RAB43: variants seen among roughly 807,000 people sequenced by gnomAD.
The protein encoded by RAB43 is ras-related protein Rab-43.
A neutral mutation model predicts 18.8 loss-of-function variants in RAB43; 6 were observed. That is an observed-to-expected ratio of 0.32 (90% CI 0.17 to 0.63). The LOEUF is 0.63. RAB43 is among the 30% of genes least tolerant of loss of function. The pLI is 0.79. For synonymous variants in RAB43, 103 were observed against 124.1 expected (o/e 0.83, Z 1.13); for missense variants, 195 against 289.1 (o/e 0.67, Z 2.36).
chr3:129,103,569 C>CT (rs772491871), intron 1 of RAB43, among the ~76,000 whole-genome samples: 2,082 of 142,758 alleles, frequency 0.015, 24 homozygotes, highest in Non-Finnish European at 0.021. Flanking sequence ...CCCATCTATG[C>CT]TTTTTTTTTT....
At chr3:129,093,197 C>A in intron 2 of RAB43, among the ~76,000 whole-genome samples, 1 of 151,066 alleles carries the variant, frequency 6.6e-6, no homozygotes, top group East Asian at 2.1e-4. Context: ...CACCATGTTG[C>A]CCAGGCTGGT....
intron 1 of RAB43, among the ~76,000 whole-genome samples, chr3:129,110,974 AT>A (rs1457698492): frequency 6.6e-6 from 1 of 151,948 alleles, no homozygotes; most frequent in Non-Finnish European, 1.5e-5. Flanking sequence ...GGAAAGCAAA[AT>A]ATCAATCTGT....
chr3:129,114,047 G>C (rs977005954), intron 1 of RAB43, among the ~76,000 whole-genome samples: 10 of 151,922 alleles, frequency 6.6e-5, no homozygotes, highest in Non-Finnish European at 1.0e-4. Context: ...AAAAAAAAAA[G>C]AAAGATCTGG....
intron 1 of RAB43, among the ~76,000 whole-genome samples, chr3:129,096,067 G>A (rs888114508): frequency 2.6e-5 from 4 of 152,262 alleles, no homozygotes; most frequent in African/African-American, 9.6e-5. Flanking sequence ...ATGGCTCTCT[G>A]AAGACTGACA....
chr3:129,092,457 G>T, intron 2 of RAB43: 2 of 685,380 alleles, frequency 2.9e-6, no homozygotes, highest in South Asian at 3.1e-5. Flanking sequence ...GGGTACCTGG[G>T]GGCTCATTAT....
Position 129,121,637 on chromosome 3 carries a change from A to C in RAB43, c.-148T>G. 1 of 547,056 alleles carries C rather than the reference A, an allele frequency of 1.8e-6. No individual in the cohort carries two copies. Among genetic ancestry groups the C allele is most frequent in the Non-Finnish European group, 2.9e-6 (1 of 342,200 alleles). 33.9% of individuals were successfully genotyped at this position (547,056 alleles called of 1,614,324 possible). ...AACACCTGAACCCCCAGCACTGCCGACCGCCTGCCTCGGCCTCGGCCCCGC... is the reference window on the plus strand; with the variant it reads ...AACACCTGAACCCCCAGCACTGCCGCCCGCCTGCCTCGGCCTCGGCCCCGC... On this transcript the variant is annotated 5_prime_UTR_variant, in exon 1 of 3. Coordinates refer to ENST00000315150, the MANE Select transcript of RAB43 (RefSeq NM_198490.3).
At position 129,095,238 on chromosome 3, in the gene RAB43, C is replaced by T. The variant is rs1933963816; in HGVS notation, c.205-69G>A. The T allele has an allele frequency of 2.6e-6, 4 of 1,547,394 alleles. No homozygotes were observed. The highest frequency in any genetic ancestry group is 2.5e-5 in the South Asian group (2 of 80,404). On this transcript the variant is annotated intron_variant, in intron 1 of 2. Coordinates refer to ENST00000315150, the MANE Select transcript of RAB43 (RefSeq NM_198490.3). This position sits in a 1 kb window ranked among gnomAD's most constrained non-coding sequence, Gnocchi z 4.2. ...AACATGGGGACAGGCAGAGTGACCC[C>T]ACAGACCCACACCCAGAGCTGTGGT...
In RAB43 at chr3:129,107,037, AG is replaced by A. The variant is rs1402626085; in HGVS notation, c.205-11869del. ...AGGCCTGGTGAAAGCAAGGGGCCAG[AG>A]GCCATGAAAGCCAGGAAGGCAGAGT... On this transcript the variant is annotated intron_variant, in intron 1 of 2. Transcript: ENST00000315150. This position sits in a 1 kb window ranked among gnomAD's most constrained non-coding sequence, Gnocchi z 4.2. Among the ~76,000 whole-genome samples, 1 of 152,254 alleles carries A rather than the reference AG, an allele frequency of 6.6e-6. No individual in the cohort carries two copies. Among genetic ancestry groups the A allele is most frequent in the Non-Finnish European group, 1.5e-5 (1 of 68,038 alleles).
At chr3:129,099,926 G>A (rs1934313980) in intron 1 of RAB43, among the ~76,000 whole-genome samples, 1 of 152,156 alleles carries the variant, frequency 6.6e-6, no homozygotes, top group Non-Finnish European at 1.5e-5. Context: ...TGCAGTTCCA[G>A]GAAAAGATAG....
intron 1 of RAB43, among the ~76,000 whole-genome samples, chr3:129,120,055 G>A (rs546993687): frequency 3.7e-4 from 57 of 152,208 alleles, no homozygotes; most frequent in Non-Finnish European, 6.5e-4. Flanking sequence ...CATCCACGGA[G>A]ACCAAAACAC....
chr3:129,106,931 G>A (rs956618700), intron 1 of RAB43, among the ~76,000 whole-genome samples: 4 of 152,186 alleles, frequency 2.6e-5, no homozygotes, highest in East Asian at 1.9e-4. Flanking sequence ...AGCACGTGAT[G>A]AGGGATGGCC....
Position 129,090,969 on chromosome 3 carries a change from G to A in RAB43, c.*127C>T. On this transcript the variant is annotated 3_prime_UTR_variant, in exon 3 of 3. Coordinates refer to ENST00000315150, the MANE Select transcript of RAB43 (RefSeq NM_198490.3). The stretch of plus-strand genomic sequence containing the variant: ...CCGCAGCCAGGCCACAGGATGCAGA[G>A]CTCCAGAGCTTCACCCGGCTGCTGT... 1.7e-6 allele frequency: 1 copy of A among 603,522 alleles called. No homozygotes were observed. Among genetic ancestry groups the A allele is most frequent in the South Asian group, 2.0e-5 (1 of 49,978 alleles). 37.4% of individuals were successfully genotyped at this position (603,522 alleles called of 1,614,324 possible).
chr3:129,096,019 C>T (rs145050388), intron 1 of RAB43, among the ~76,000 whole-genome samples: 28 of 152,312 alleles, frequency 1.8e-4, no homozygotes, highest in African/African-American at 6.5e-4. Flanking sequence ...CCTTGGGGAT[C>T]GGGTGTGCCT....
At chr3:129,100,133 C>G (rs781733320) in intron 1 of RAB43, among the ~76,000 whole-genome samples, 5 of 152,114 alleles carry the variant, frequency 3.3e-5, no homozygotes, top group Admixed American at 6.6e-5. Flanking sequence ...TGATAAAAGA[C>G]ATATTCCATA....
At chr3:129,104,894 T>A (rs1934660794) in intron 1 of RAB43, among the ~76,000 whole-genome samples, 1 of 152,188 alleles carries the variant, frequency 6.6e-6, no homozygotes, top group South Asian at 2.1e-4. Flanking sequence ...TTCAAAAGTC[T>A]CTCATTTTCC....
chr3:129,093,082 C>G (rs1933789069), intron 2 of RAB43, among the ~76,000 whole-genome samples: 1 of 151,972 alleles, frequency 6.6e-6, no homozygotes, highest in Admixed American at 6.5e-5. Context: ...TCTCCGCCTC[C>G]CAGGTTCAAG....
Position 129,091,308 on chromosome 3 carries a change from A to G in RAB43, c.427T>C (p.Leu143=). 1 of 1,599,980 alleles carries G rather than the reference A, an allele frequency of 6.3e-7. No homozygotes were observed. The change falls in exon 3 of 3, where the codon TTG becomes CTG. Residue 143 remains leucine (L), a synonymous_variant. Transcript: ENST00000315150. ...SDLSELREVS[L]AEAQSLAEHY... ...TCAGCCAGGCTCTGTGCCTCAGCCAAGGAGACCTCCCGAAGCTCGCTGAGG... is the reference window on the plus strand; with the variant it reads ...TCAGCCAGGCTCTGTGCCTCAGCCAGGGAGACCTCCCGAAGCTCGCTGAGG...
rs1345893218 is a variant in RAB43, at chr3:129,121,370, G to A, written c.120C>T (p.Thr40=). 6.2e-7 allele frequency: 1 copy of A among 1,611,652 alleles called. No homozygotes were observed. Among genetic ancestry groups the A allele is most frequent in the South Asian group, 1.1e-5 (1 of 90,590 alleles). The part of the protein sequence containing the change: ...GKTCVVQRFK[T]GAFSERQGST... ...TTCCCTGGCGCTCCGAGAAGGCGCC[G>A]GTCTTGAAGCGCTGCACCACGCACG... The change falls in exon 1 of 3, where the codon ACC becomes ACT. Residue 40 remains threonine (T), a synonymous_variant. Transcript: ENST00000315150.
chr3:129,106,449 C>T (rs1404506303), intron 1 of RAB43, among the ~76,000 whole-genome samples: 4 of 152,204 alleles, frequency 2.6e-5, no homozygotes, highest in Non-Finnish European at 4.4e-5. Context: ...TCCCACCATG[C>T]TGTGGTCCTC....
Sources: gnomAD v4.1 joint callset for allele counts (sites outside exome capture counted in the v4.1 genomes callset) on GRCh38, gnomAD v4.1.1 for gene constraint, Gnocchi (gnomAD v3.1) non-coding constraint, MANE v1.5 for transcripts, NCBI Gene and HGNC (gene_info 2026-07-23, HGNC 2026-07-21) for gene names.